Variants in AVEN observed in about 807,000 individuals in gnomAD.
AVEN encodes apoptosis and caspase activation inhibitor, also known as cell death regulator Aven.
AVEN carries 41 observed loss-of-function variants against 38.1 expected under a neutral mutation model. The ratio of observed to expected loss-of-function variants is 1.08; its 90% CI spans 0.84 to 1.40. AVEN has a LOEUF of 1.40. Ranked by LOEUF, AVEN falls within the 40% of genes most tolerant of loss-of-function variation. AVEN has a pLI of 0.00. For synonymous variants in AVEN, 206 were observed against 171.8 expected, an observed-to-expected ratio of 1.20 and a Z score of -1.56; for missense variants, 605 against 438.8, an observed-to-expected ratio of 1.38 and a Z score of -3.38.
intron 2 of AVEN, among the ~76,000 whole-genome samples, chr15:33,919,006 C>T (rs916680692): frequency 6.7e-6 from 1 of 149,302 alleles, no homozygotes; most frequent in Non-Finnish European, 1.5e-5. Flanking sequence ...CTGCAACCTC[C>T]GCCTCCCAGG....
chr15:34,015,164 AT>A (rs1466003120), intron 1 of AVEN, among the ~76,000 whole-genome samples: 1 of 152,212 alleles, frequency 6.6e-6, no homozygotes, highest in Non-Finnish European at 1.5e-5. Flanking sequence ...AAGGAAAAAG[AT>A]AACAAAGGAG....
At chr15:33,865,598 A>C (rs1890234817), downstream of AVEN, 1 of 185,644 alleles carries the variant, frequency 5.4e-6, no homozygotes, top group Non-Finnish European at 1.1e-5. Flanking sequence ...AAACACTTGA[A>C]TGTCATCATG....
At chr15:33,857,378 T>TTC (rs2079800032), downstream of AVEN, among the ~76,000 whole-genome samples, 1 of 151,564 alleles carries the variant, frequency 6.6e-6, no homozygotes, top group South Asian at 2.1e-4. Context: ...CCAACTCCTT[T>TTC]TCTTCTAAGG....
intron 2 of AVEN, among the ~76,000 whole-genome samples, chr15:33,996,158 G>C (rs1414435051): frequency 1.3e-5 from 2 of 152,242 alleles, no homozygotes; most frequent in Non-Finnish European, 2.9e-5. Context: ...GACTCGAGTA[G>C]GTAAACATTG....
chr15:34,022,324 T>C (rs1263583203), intron 1 of AVEN, among the ~76,000 whole-genome samples: 1 of 152,224 alleles, frequency 6.6e-6, no homozygotes, highest in Non-Finnish European at 1.5e-5. Context: ...CAAGACAGAA[T>C]ACTACTATAA....
At chr15:33,904,716 TAC>T (rs371204081) in intron 2 of AVEN, among the ~76,000 whole-genome samples, 6 of 143,350 alleles carry the variant, frequency 4.2e-5, no homozygotes, top group African/African-American at 1.6e-4. Context: ...TATATATATA[TAC>T]ACACACACAC....
chr15:34,068,316 C>T (rs920953193), intron 2 of AVEN, among the ~76,000 whole-genome samples: 1 of 151,758 alleles, frequency 6.6e-6, no homozygotes, highest in African/African-American at 2.4e-5. Flanking sequence ...TCAAGTGATC[C>T]CACCTCAGCC....
At chr15:33,877,040 T>C (rs1208870423) in intron 2 of AVEN, among the ~76,000 whole-genome samples, 1 of 152,174 alleles carries the variant, frequency 6.6e-6, no homozygotes, top group Non-Finnish European at 1.5e-5. Flanking sequence ...AAATAAGTGG[T>C]TGTTCTCAGA....
chr15:33,913,023 G>A (rs1050574756), intron 2 of AVEN, among the ~76,000 whole-genome samples: 10 of 151,998 alleles, frequency 6.6e-5, no homozygotes, highest in African/African-American at 2.4e-4. Context: ...CCAAGTAGCT[G>A]GGATTACAGG....
At chr15:34,070,091 TGAA>T (rs1167624228) in intron 2 of AVEN, among the ~76,000 whole-genome samples, 1 of 152,174 alleles carries the variant, frequency 6.6e-6, no homozygotes, top group Non-Finnish European at 1.5e-5. Context: ...CAATCATGAC[TGAA>T]GTCACCTCTT....
chr15:33,903,006 C>A (rs1567405653), intron 2 of AVEN, among the ~76,000 whole-genome samples: 1 of 152,182 alleles, frequency 6.6e-6, no homozygotes, highest in African/African-American at 2.4e-5. Flanking sequence ...GGATCTGAAT[C>A]CCCTTCCTAA....
intron 1 of AVEN, among the ~76,000 whole-genome samples, chr15:34,028,615 C>A (rs557245787): frequency 6.6e-6 from 1 of 151,460 alleles, no homozygotes. Flanking sequence ...TGAGAGAGGA[C>A]AGCAAAGTGG....
chr15:33,982,472 A>T (rs934281415), intron 2 of AVEN, among the ~76,000 whole-genome samples: 1 of 152,236 alleles, frequency 6.6e-6, no homozygotes, highest in Non-Finnish European at 1.5e-5. Context: ...TATTTTCTGG[A>T]GCAAAGCAAT....
At chr15:34,064,038 GC>G in intron 4 of AVEN, 2 of 1,614,140 alleles carry the variant, frequency 1.2e-6, no homozygotes, top group Non-Finnish European at 1.7e-6. Context: ...GAGGAAAGCA[GC>G]CCAGACACTG....
In AVEN at chr15:34,063,497, C is replaced by T; in HGVS notation, n.1127-65G>A. On this transcript the variant is annotated intron_variant and non_coding_transcript_variant, in intron 4 of 11. Transcript: ENST00000675287. This position sits in a 1 kb window ranked among gnomAD's most constrained non-coding sequence, Gnocchi z 4.1. ...CCTGCTTGCGCTGTCCTCGACCCAC[C>T]CTGGCCCAGCGGGAAAGGAACCAGG... The T allele has an allele frequency of 6.2e-7, 1 of 1,613,820 alleles. No homozygotes were observed. The highest frequency in any genetic ancestry group is 8.5e-7 in the Non-Finnish European group (1 of 1,180,030).
intron 2 of AVEN, among the ~76,000 whole-genome samples, chr15:33,895,743 T>C (rs1892208078): frequency 6.6e-6 from 1 of 152,220 alleles, no homozygotes; most frequent in Admixed American, 6.5e-5. Flanking sequence ...CAACCCATTA[T>C]CTGTATTATA....
At chr15:33,956,245 T>C (rs1894949834) in intron 2 of AVEN, among the ~76,000 whole-genome samples, 1 of 152,200 alleles carries the variant, frequency 6.6e-6, no homozygotes, top group South Asian at 2.1e-4. Flanking sequence ...CCTGCTCTAA[T>C]GTGCTGGCCC....
intron 4 of AVEN, among the ~76,000 whole-genome samples, chr15:33,868,284 G>C (rs1170800501): frequency 2.0e-5 from 3 of 152,168 alleles, no homozygotes; most frequent in Non-Finnish European, 1.5e-5. Flanking sequence ...AGCACTTTGG[G>C]AGGCCAAGGT....
At position 33,961,549 on chromosome 15, in the gene AVEN, C is replaced by T. The variant is rs945166389; in HGVS notation, c.445+41483G>A. Among the ~76,000 whole-genome samples the T allele has an allele frequency of 5.3e-5, 8 of 150,392 alleles. No individual in the cohort carries two copies. In the East Asian group the frequency reaches 6.0e-4, roughly 11 times the overall value. On this transcript the variant is annotated intron_variant, in intron 2 of 5. Coordinates refer to ENST00000306730, the MANE Select transcript of AVEN (RefSeq NM_020371.3). ...AGTGTCTGCACTGGGTGAGGTGGCT[C>T]ATGCCTGTAATCCCAGCACTTTGGG...
Sources: allele counts gnomAD v4.1 joint callset (sites outside exome capture counted in the v4.1 genomes callset), GRCh38; gene constraint gnomAD v4.1.1; non-coding constraint Gnocchi (gnomAD v3.1); transcripts MANE v1.5; gene names NCBI Gene and HGNC (gene_info 2026-07-23, HGNC 2026-07-21).